The following PCDHGA2 variants were observed in gnomAD, a reference collection of about 807,000 sequenced individuals.
The protein encoded by PCDHGA2 is protocadherin gamma subfamily A, 2.
PCDHGA2 carries 40 observed loss-of-function variants against 59.2 expected under a neutral mutation model. The ratio of observed to expected loss-of-function variants is 0.68; its 90% CI spans 0.52 to 0.88. The LOEUF (loss-of-function observed/expected upper bound fraction) is 0.88, where lower values mean the gene tolerates loss of function less well. PCDHGA2 is among the 40% of genes least tolerant of loss of function. The probability of loss-of-function intolerance (pLI) is 0.00; values close to 1 mark genes in which losing one functional copy is unlikely to be tolerated. For synonymous variants in PCDHGA2, 560 were observed against 526.0 expected (o/e 1.06, Z -0.89); for missense variants, 1,226 against 1,204.0 (o/e 1.02, Z -0.27).
chr5:141,435,296 T>A (rs545583818), intron 1 of PCDHGA2, among the ~76,000 whole-genome samples: 44 of 152,328 alleles, frequency 2.9e-4, no homozygotes, highest in African/African-American at 9.9e-4. Context: ...AGTCATTTCA[T>A]GGTTTTAAAT....
At chr5:141,443,481 G>C (rs1025329476) in intron 1 of PCDHGA2, among the ~76,000 whole-genome samples, 3 of 152,114 alleles carry the variant, frequency 2.0e-5, no homozygotes, top group African/African-American at 7.2e-5. Context: ...ATTAGACCCT[G>C]TCCCAAAACA....
chr5:141,457,111 G>A (rs922281700), intron 1 of PCDHGA2, among the ~76,000 whole-genome samples: 4 of 152,120 alleles, frequency 2.6e-5, no homozygotes, highest in South Asian at 2.1e-4. Flanking sequence ...AGCAAAATAC[G>A]ACAGCAATGG....
intron 1 of PCDHGA2, chr5:141,404,371 C>G (rs374054833): frequency 1.5e-5 from 25 of 1,613,774 alleles, no homozygotes; most frequent in Non-Finnish European, 2.0e-5. Context: ...CCATCTTCTC[C>G]GTGATTGCCT....
intron 2 of PCDHGA2, among the ~76,000 whole-genome samples, chr5:141,503,700 C>G (rs2099828974): frequency 6.6e-6 from 1 of 152,016 alleles, no homozygotes; most frequent in Non-Finnish European, 1.5e-5. Flanking sequence ...GAGATTCCTG[C>G]TTTCCCCTTC....
At chr5:141,385,302 A>G in intron 1 of PCDHGA2, 1 of 1,613,202 alleles carries the variant, frequency 6.2e-7, no homozygotes, top group Admixed American at 1.7e-5. Flanking sequence ...AGGAATGTAA[A>G]GAAAACCTGC....
chr5:141,501,666 T>C (rs2099810374), intron 2 of PCDHGA2, among the ~76,000 whole-genome samples: 1 of 152,142 alleles, frequency 6.6e-6, no homozygotes. Context: ...TTGGAAAATA[T>C]AGATAATCAC....
intron 1 of PCDHGA2, chr5:141,375,643 C>A (rs1443985601): frequency 6.2e-7 from 1 of 1,614,210 alleles, no homozygotes; most frequent in Non-Finnish European, 8.5e-7. Context: ...TGCGCTCCTT[C>A]GACTATGAGC....
chr5:141,470,123 C>T (rs368463710), intron 1 of PCDHGA2, among the ~76,000 whole-genome samples: 11 of 151,234 alleles, frequency 7.3e-5, no homozygotes, highest in Admixed American at 3.3e-4. Flanking sequence ...AGCAAGACTT[C>T]GTCTCAAAAA....
rs776543767 is a variant in PCDHGA2 at position 141,432,028 on chromosome 5, C to G, written c.2425-62779C>G. The G allele has an allele frequency of 6.2e-7, 1 of 1,614,168 alleles. No homozygotes were observed. The highest frequency in any genetic ancestry group is 2.2e-5 in the East Asian group (1 of 44,882). On this transcript the variant is annotated intron_variant, in intron 1 of 3. Transcript: ENST00000394576. This position sits in a 1 kb window ranked among gnomAD's most constrained non-coding sequence, Gnocchi z 6.0. ...TTCCTAGCTACAACATCACAGTGAC[C>G]GCCACTGACCGGGGAACCCCGCCCC...
Position 141,352,388 on chromosome 5 carries a change from C to A in PCDHGA2, c.2424+10993C>A, listed in dbSNP as rs1021854619. On this transcript the variant is annotated intron_variant, in intron 1 of 3. Coordinates refer to ENST00000394576, the MANE Select transcript of PCDHGA2 (RefSeq NM_018915.4). ...CGCGGTGATTCTAGCGATCGCCCTGCGCCTGCGACGTTCCTCCAGCCTCGA... is the reference window on the plus strand; with the variant it reads ...CGCGGTGATTCTAGCGATCGCCCTGAGCCTGCGACGTTCCTCCAGCCTCGA... The A allele has an allele frequency of 6.6e-5, 106 of 1,613,940 alleles. No homozygotes were observed. Among genetic ancestry groups the A allele is most frequent in the Middle Eastern group, 1.6e-4 (1 of 6,084 alleles).
In PCDHGA2 at chr5:141,356,612, T is replaced by C. The variant is rs550399659; in HGVS notation, c.2424+15217T>C. 2.5e-6 allele frequency: 4 copies of C among 1,614,160 alleles called. No homozygotes were observed. The East Asian group carries it at 6.7e-5, about 27-fold the overall frequency. On this transcript the variant is annotated intron_variant, in intron 1 of 3. Transcript: ENST00000394576. ...GAAAACAACCCCAGAGGAGCCTCCA[T>C]CTTATCTATGACTGCTCAAGACCCT...
Position 141,486,989 on chromosome 5 carries a change from G to A in PCDHGA2, c.2425-7818G>A. 1.9e-6 allele frequency: 3 copies of A among 1,614,168 alleles called. No individual in the cohort carries two copies. Among genetic ancestry groups the A allele is most frequent in the Non-Finnish European group, 2.5e-6 (3 of 1,180,034 alleles). On this transcript the variant is annotated intron_variant, in intron 1 of 3. Transcript: ENST00000394576. This position sits in a 1 kb window ranked among gnomAD's most constrained non-coding sequence, Gnocchi z 5.0. ...CTTGGATTCAGGTTACAATGCTTGG[G>A]TTTCCTATCAGCTCCTGGAGGCCCC...
intron 1 of PCDHGA2, chr5:141,414,536 C>T (rs2095757034): frequency 6.2e-7 from 1 of 1,613,976 alleles, no homozygotes; most frequent in African/African-American, 1.3e-5. Context: ...GACAACCCAC[C>T]TACCTTCTCT....
chr5:141,485,421 C>G lies in PCDHGA2; in HGVS notation c.2425-9386C>G. The G allele has an allele frequency of 6.2e-7, 1 of 1,614,112 alleles. No individual in the cohort carries two copies. The highest frequency in any genetic ancestry group is 1.1e-5 in the South Asian group (1 of 91,080). ...TTCCGTGTGGATTTGGACAGCGGAG[C>G]CCTGCTCATCAAGAACCCAATCGAC... On this transcript the variant is annotated intron_variant, in intron 1 of 3. Transcript: ENST00000394576. This position sits in a 1 kb window ranked among gnomAD's most constrained non-coding sequence, Gnocchi z 5.7.
At chr5:141,419,439 C>G (rs375537017) in intron 1 of PCDHGA2, 1 of 1,613,154 alleles carries the variant, frequency 6.2e-7, no homozygotes, top group Non-Finnish European at 8.5e-7. Context: ...CAGCTGCGCA[C>G]CTTCGAGCTC....
At chr5:141,346,602 G>A (rs2149741302) in intron 1 of PCDHGA2, 1 of 1,256,172 alleles carries the variant, frequency 8.0e-7, no homozygotes, top group Non-Finnish European at 1.1e-6. Context: ...TTCTTTCTGG[G>A]CCTATAGTAG....
At position 141,478,876 on chromosome 5, in the gene PCDHGA2, C is replaced by A. The variant is rs2099482470; in HGVS notation, c.2425-15931C>A. 30 of 1,265,748 alleles carry A rather than the reference C, an allele frequency of 2.4e-5. No individual in the cohort carries two copies. The South Asian group carries it at 4.7e-4, about 20-fold the overall frequency. 78.4% of individuals were successfully genotyped at this position (1,265,748 alleles called of 1,614,324 possible). On this transcript the variant is annotated intron_variant, in intron 1 of 3. Transcript: ENST00000394576. ...CAAGATCTCAGCGATCAGAGTTTAGCTTGGTATCATTTACATTAGGAATAA... is the reference window on the plus strand; with the variant it reads ...CAAGATCTCAGCGATCAGAGTTTAGATTGGTATCATTTACATTAGGAATAA...
chr5:141,409,034 A>C, intron 1 of PCDHGA2: 1 of 1,613,992 alleles, frequency 6.2e-7, no homozygotes, highest in Non-Finnish European at 8.5e-7. Context: ...TGCTGAGATA[A>C]ACTACTACTT....
rs769248665 is a variant in PCDHGA2, at chr5:141,341,015, G to A, written c.2044G>A (p.Ala682Thr). The change falls in exon 1 of 4, where the codon GCC becomes ACC. Residue 682 changes from alanine (A) to threonine (T), a missense_variant. By Grantham distance (58) the Ala-to-Thr change is moderately conservative. Transcript: ENST00000394576. ...LADLGSLEPS[A>T]IPNDSDLTLY... ...CGACCTGGGCAGCCTCGAGCCCTCCGCCATACCCAACGATTCGGACCTCAC... is the reference window on the plus strand; with the variant it reads ...CGACCTGGGCAGCCTCGAGCCCTCCACCATACCCAACGATTCGGACCTCAC... The A allele has an allele frequency of 7.4e-6, 12 of 1,614,126 alleles. No individual in the cohort carries two copies. The highest frequency in any genetic ancestry group is 2.2e-5 in the East Asian group (1 of 44,870).
Sources: gnomAD v4.1 joint callset for allele counts (sites outside exome capture counted in the v4.1 genomes callset) on GRCh38, gnomAD v4.1.1 for gene constraint, Gnocchi (gnomAD v3.1) non-coding constraint, MANE v1.5 for transcripts, NCBI Gene and HGNC (gene_info 2026-07-23, HGNC 2026-07-21) for gene names.